ODR4: variants seen among roughly 807,000 people sequenced by gnomAD.
ODR4 encodes protein odr-4 homolog.
ODR4 carries 47 observed loss-of-function variants against 60.2 expected under a neutral mutation model. The ratio of observed to expected loss-of-function variants is 0.78; its 90% CI spans 0.62 to 1.00. The LOEUF is 1.00. ODR4 is among the 50% of genes least tolerant of loss of function. The probability of loss-of-function intolerance (pLI) is 0.00; values close to 1 mark genes in which losing one functional copy is unlikely to be tolerated. For missense variants in ODR4, 488 were observed against 530.8 expected (o/e 0.92, Z 0.79); for synonymous variants, 178 against 175.5 (o/e 1.01, Z -0.11).
intron 12 of ODR4, among the ~76,000 whole-genome samples, chr1:186,414,959 C>A (rs1307584815): frequency 6.6e-6 from 1 of 151,798 alleles, no homozygotes; most frequent in Non-Finnish European, 1.5e-5. Context: ...AATTACTGAG[C>A]TAATATAGTC....
At position 186,391,709 on chromosome 1, in the gene ODR4, G is replaced by A. The variant is rs772158218; in HGVS notation, c.629G>A (p.Arg210His). ...GTTTCTGTTAAGAATGGACTTACAC[G>A]CTGGGCCAAGGAAATAGAAAATGGT... ...LEKNTKNGLT[R>H]WAKEIENGVY... Residue 210 changes from arginine to histidine, a missense_variant, in exon 8 of 14, where the codon CGC (arginine) becomes CAC (histidine). By Grantham distance (29) the Arg-to-His change is conservative. Coordinates refer to ENST00000287859, the MANE Select transcript of ODR4 (RefSeq NM_017847.6). 21 of 1,598,212 alleles carry A rather than the reference G, an allele frequency of 1.3e-5. No homozygotes were observed. Among genetic ancestry groups the A allele is most frequent in the Admixed American group, 6.8e-5 (4 of 58,594 alleles).
intron 2 of ODR4, among the ~76,000 whole-genome samples, chr1:186,382,171 C>T (rs923419921): frequency 1.3e-5 from 2 of 149,038 alleles, no homozygotes; most frequent in South Asian, 2.1e-4. Context: ...TTTGGGAGGC[C>T]GAGGTGGGAG....
Position 186,417,643 on chromosome 1 carries a change from A to C in ODR4, c.1286A>C (p.Gln429Pro), listed in dbSNP as rs1661622604. The change falls in exon 13 of 14, where the codon CAG (glutamine) becomes CCG (proline). Residue 429 changes from glutamine (Q) to proline (P), a missense_variant. Coordinates refer to ENST00000287859, the MANE Select transcript of ODR4 (RefSeq NM_017847.6). ...PIKTTMLLKI[Q>P]QNIGVIAAFT... ...AAAACTACAATGTTATTGAAAATTC[A>C]GCAAAACATAGGTATTTAATTTTAC... 6.5e-7 allele frequency: 1 copy of C among 1,542,606 alleles called. No homozygotes were observed. The highest frequency in any genetic ancestry group is 8.9e-7 in the Non-Finnish European group (1 of 1,125,094).
At chr1:186,410,734 G>T (rs1034849135) in intron 12 of ODR4, among the ~76,000 whole-genome samples, 1 of 152,076 alleles carries the variant, frequency 6.6e-6, no homozygotes, top group Non-Finnish European at 1.5e-5. Context: ...AATTTTAGTG[G>T]GCTGGGTGCG....
intron 11 of ODR4, among the ~76,000 whole-genome samples, chr1:186,402,067 C>A (rs999348947): frequency 5.3e-5 from 8 of 151,716 alleles, no homozygotes; most frequent in Non-Finnish European, 1.2e-4. Context: ...TGTTTTCTGT[C>A]TTCTTTTCTC....
At chr1:186,416,172 C>T (rs1010350082) in intron 12 of ODR4, among the ~76,000 whole-genome samples, 31 of 152,046 alleles carry the variant, frequency 2.0e-4, no homozygotes, top group African/African-American at 7.3e-4. Flanking sequence ...TGTACTGCAA[C>T]GTGCTGGTCA....
At chr1:186,427,634 A>G in the ODR4 span, among the ~76,000 whole-genome samples, 1 of 152,228 alleles carries the variant, frequency 6.6e-6, no homozygotes, top group East Asian at 1.9e-4. Flanking sequence ...TCCATGAGTC[A>G]CAAATGTTCT....
the ODR4 span, among the ~76,000 whole-genome samples, chr1:186,433,473 C>T: frequency 6.6e-6 from 1 of 152,040 alleles, no homozygotes; most frequent in African/African-American, 2.4e-5. Context: ...AGTAATTTGT[C>T]TTACAGTATA....
chr1:186,423,994 CTG>C (rs1426880109), downstream of ODR4, among the ~76,000 whole-genome samples: 1 of 152,140 alleles, frequency 6.6e-6, no homozygotes, highest in Non-Finnish European at 1.5e-5. Flanking sequence ...CTGATAGACT[CTG>C]AGCTCAGAAA....
intron 11 of ODR4, among the ~76,000 whole-genome samples, chr1:186,400,398 G>A (rs915848047): frequency 1.3e-5 from 2 of 151,976 alleles, no homozygotes; most frequent in African/African-American, 2.4e-5. Flanking sequence ...TCCTGCCTCA[G>A]CCTCCCGAGT....
chr1:186,412,342 G>A lies in ODR4; in HGVS notation c.1187-5202G>A, dbSNP rs568855950. Among the ~76,000 whole-genome samples, 9 of 152,240 alleles carry A rather than the reference G, an allele frequency of 5.9e-5. No individual in the cohort carries two copies. The South Asian group carries it at 1.9e-3, about 32-fold the overall frequency. On this transcript the variant is annotated intron_variant, in intron 12 of 13. Coordinates refer to ENST00000287859, the MANE Select transcript of ODR4 (RefSeq NM_017847.6). The stretch of plus-strand genomic sequence containing the variant: ...CTTAGCAGAGGCACTGTCTCTGTAA[G>A]GGATTCAGGGAAAGCTTAGAGCAGG...
intron 11 of ODR4, among the ~76,000 whole-genome samples, chr1:186,403,099 A>C (rs1661047208): frequency 6.6e-6 from 1 of 152,344 alleles, no homozygotes; most frequent in African/African-American, 2.4e-5. Context: ...AGCATATTTC[A>C]AACAGAAATA....
chr1:186,421,913 T>G (rs1287659378), downstream of ODR4, among the ~76,000 whole-genome samples: 1 of 150,778 alleles, frequency 6.6e-6, no homozygotes, highest in Non-Finnish European at 1.5e-5. Context: ...AGAAATTTAT[T>G]TAAAATACAG....
At chr1:186,394,347 GAT>G (rs1485272457) in intron 9 of ODR4, among the ~76,000 whole-genome samples, 2 of 152,102 alleles carry the variant, frequency 1.3e-5, no homozygotes, top group Non-Finnish European at 2.9e-5. Context: ...CAACTTAAAA[GAT>G]GTGTACACAG....
intron 1 of ODR4, among the ~76,000 whole-genome samples, chr1:186,379,011 T>A (rs763629502): frequency 7.2e-5 from 11 of 152,242 alleles, no homozygotes; most frequent in Non-Finnish European, 1.5e-4. Flanking sequence ...CATATATGCT[T>A]ATCAAGTAAA....
intron 3 of ODR4, among the ~76,000 whole-genome samples, chr1:186,384,568 A>G (rs1660171646): frequency 9.5e-6 from 1 of 104,858 alleles, no homozygotes; most frequent in South Asian, 3.0e-4. Context: ...ATAAAATTGT[A>G]TATGACACAC....
At chr1:186,422,171 G>A (rs1219875959), downstream of ODR4, among the ~76,000 whole-genome samples, 2 of 151,874 alleles carry the variant, frequency 1.3e-5, no homozygotes, top group Non-Finnish European at 2.9e-5. Flanking sequence ...AATGAAGTAG[G>A]TAAATACTAA....
chr1:186,378,129 C>G lies in ODR4; in HGVS notation c.-19-1638C>G, dbSNP rs117987933. The stretch of plus-strand genomic sequence containing the variant: ...CAAGCTCATTGAAACAATAAGGAAA[C>G]AGCCTCCAGTAGGACATTTCAGACT... On this transcript the variant is annotated intron_variant, in intron 1 of 13. Coordinates refer to ENST00000287859, the MANE Select transcript of ODR4 (RefSeq NM_017847.6). Among the ~76,000 whole-genome samples the G allele has an allele frequency of 2.6e-4, 40 of 151,980 alleles. 1 individual carries two copies. The East Asian group carries it at 7.7e-3, about 29-fold the overall frequency.
intron 2 of ODR4, 135 bp from the exon 3 acceptor site, chr1:186,382,887 G>A: frequency 1.2e-6 from 1 of 817,214 alleles, no homozygotes; most frequent in Non-Finnish European, 1.8e-6. Flanking sequence ...TTATAATGTG[G>A]GTATTAATGA....
Sources: gnomAD v4.1 joint callset for allele counts (sites outside exome capture counted in the v4.1 genomes callset) on GRCh38, gnomAD v4.1.1 for gene constraint, MANE v1.5 for transcripts, NCBI Gene and HGNC (gene_info 2026-07-23, HGNC 2026-07-21) for gene names.